NBEA: variants seen among roughly 807,000 people sequenced by gnomAD.
The protein encoded by NBEA is lysosomal-trafficking regulator 2.
In NBEA, 44 loss-of-function variants were observed where a neutral mutation model predicts 343.4. That is an observed-to-expected ratio of 0.13 (90% CI 0.10 to 0.16). The LOEUF (loss-of-function observed/expected upper bound fraction) is 0.16, where lower values mean the gene tolerates loss of function less well. NBEA is among the 10% of genes least tolerant of loss of function. The probability of loss-of-function intolerance (pLI) is 1.00; values close to 1 mark genes in which losing one functional copy is unlikely to be tolerated. For synonymous variants in NBEA, 1,175 were observed against 1,238.7 expected (o/e 0.95, Z 1.08); for missense variants, 2,555 against 3,631.3 (o/e 0.70, Z 7.62).
chr13:35,035,705 A>G (rs1231050732), intron 1 of NBEA, among the ~76,000 whole-genome samples: 3 of 151,956 alleles, frequency 2.0e-5, no homozygotes, highest in Non-Finnish European at 4.4e-5. Flanking sequence ...TGTTGGGTGC[A>G]TATATATTGA....
intron 41 of NBEA, chr13:35,476,443 G>GA: frequency 1.1e-6 from 1 of 915,070 alleles, no homozygotes; most frequent in South Asian, 1.4e-5. Flanking sequence ...CTCTTTTAAA[G>GA]AATCCTTGTG....
At chr13:35,131,338 G>A (rs2152685554) in intron 17 of NBEA, among the ~76,000 whole-genome samples, 1 of 152,208 alleles carries the variant, frequency 6.6e-6, no homozygotes, top group Admixed American at 6.5e-5. Context: ...GAGTCTATCA[G>A]TTACTTTTTT....
chr13:35,474,892 C>T (rs1037930771), intron 41 of NBEA: 42 of 843,392 alleles, frequency 5.0e-5, no homozygotes, highest in Non-Finnish European at 6.2e-5. Context: ...ACTTTTTCTC[C>T]CCTTGTGGGG....
At chr13:35,323,399 G>C (rs1385205853) in intron 36 of NBEA, among the ~76,000 whole-genome samples, 1 of 151,982 alleles carries the variant, frequency 6.6e-6, no homozygotes, top group Non-Finnish European at 1.5e-5. Context: ...AAAATGATGA[G>C]TTCATGTCCT....
At chr13:35,430,615 CTT>C (rs1324518735) in intron 38 of NBEA, among the ~76,000 whole-genome samples, 1 of 152,082 alleles carries the variant, frequency 6.6e-6, no homozygotes, top group Non-Finnish European at 1.5e-5. Context: ...TTTACATACT[CTT>C]TCCAGAACTG....
chr13:35,478,642 C>T (rs1332429427), intron 41 of NBEA, among the ~76,000 whole-genome samples: 2 of 152,242 alleles, frequency 1.3e-5, no homozygotes, highest in Non-Finnish European at 2.9e-5. Context: ...GGCTTACTCT[C>T]CACGTCTGCT....
chr13:35,035,766 C>G (rs531855610), intron 1 of NBEA, among the ~76,000 whole-genome samples: 13 of 151,830 alleles, frequency 8.6e-5, no homozygotes, highest in African/African-American at 2.4e-4. Context: ...ATATAGTGAC[C>G]TTCTTTGTCT....
intron 46 of NBEA, among the ~76,000 whole-genome samples, chr13:35,590,512 T>G (rs2081483424): frequency 6.6e-6 from 1 of 152,136 alleles, no homozygotes; most frequent in Non-Finnish European, 1.5e-5. Context: ...AATTTCAGAT[T>G]TCTTTTCACT....
At chr13:35,280,759 G>T (rs2034995556) in intron 34 of NBEA, among the ~76,000 whole-genome samples, 1 of 151,526 alleles carries the variant, frequency 6.6e-6, no homozygotes, top group Admixed American at 6.6e-5. Flanking sequence ...AAATGACTGG[G>T]TTCTCTTTTT....
rs554280572 is a variant in NBEA, at chr13:35,237,128, G to A, written c.5776+4509G>A. Among the ~76,000 whole-genome samples, 26 of 152,198 alleles carry A rather than the reference G, an allele frequency of 1.7e-4. No individual in the cohort carries two copies. In the East Asian group the frequency reaches 4.1e-3, roughly 24 times the overall value. ...AAAAATTACTCAGGCCTGGTGACAT[G>A]TGCCTATAGTCCCAGCTACTCTGGA... is the stretch of plus-strand genomic sequence containing the variant. On this transcript the variant is annotated intron_variant, in intron 34 of 58. Coordinates refer to ENST00000379939, the MANE Select transcript of NBEA (RefSeq NM_001385012.1).
chr13:35,380,130 C>T (rs1285784635), intron 38 of NBEA, among the ~76,000 whole-genome samples: 2 of 152,058 alleles, frequency 1.3e-5, no homozygotes, highest in African/African-American at 4.8e-5. Context: ...TATAGGTCAT[C>T]TGTGATTTCT....
At chr13:35,414,032 G>A (rs1258366366) in intron 38 of NBEA, among the ~76,000 whole-genome samples, 2 of 152,056 alleles carry the variant, frequency 1.3e-5, no homozygotes, top group Non-Finnish European at 2.9e-5. Flanking sequence ...GCTCCTGTCT[G>A]TTCAACTGGG....
intron 10 of NBEA, among the ~76,000 whole-genome samples, chr13:35,082,769 G>T (rs1394519579): frequency 6.6e-6 from 1 of 152,004 alleles, no homozygotes; most frequent in African/African-American, 2.4e-5. Context: ...GGGGTTGTTT[G>T]TTTTTTTCTT....
At chr13:35,013,413 A>G (rs1196169872) in intron 1 of NBEA, among the ~76,000 whole-genome samples, 1 of 152,154 alleles carries the variant, frequency 6.6e-6, no homozygotes, top group Non-Finnish European at 1.5e-5. Flanking sequence ...CACTTCGGAC[A>G]TATTTCACTT....
At chr13:35,470,346 C>A (rs1359992582) in intron 40 of NBEA, among the ~76,000 whole-genome samples, 1 of 151,874 alleles carries the variant, frequency 6.6e-6, no homozygotes, top group African/African-American at 2.4e-5. Context: ...TTCAATAAAT[C>A]AATGGGTATG....
At chr13:35,407,157 G>A (rs914054941) in intron 38 of NBEA, among the ~76,000 whole-genome samples, 4 of 151,136 alleles carry the variant, frequency 2.6e-5, no homozygotes, top group Non-Finnish European at 5.9e-5. Context: ...TAGAGACAGG[G>A]TTTCACCATG....
chr13:35,108,508 T>C (rs1460037925), intron 11 of NBEA, among the ~76,000 whole-genome samples: 2 of 152,082 alleles, frequency 1.3e-5, no homozygotes, highest in Non-Finnish European at 2.9e-5. Flanking sequence ...TATTTTATTT[T>C]GATAATATGC....
chr13:35,420,586 G>T (rs1428693563), intron 38 of NBEA, among the ~76,000 whole-genome samples: 2 of 151,910 alleles, frequency 1.3e-5, no homozygotes, highest in African/African-American at 4.8e-5. Context: ...TGTATAATTG[G>T]AGTTAATTCT....
intron 48 of NBEA, among the ~76,000 whole-genome samples, chr13:35,619,522 T>C (rs1355416970): frequency 6.6e-6 from 1 of 152,186 alleles, no homozygotes; most frequent in African/African-American, 2.4e-5. Context: ...CAACATCCTG[T>C]ATCTGGCAAC....
Sources: gnomAD v4.1 joint callset for allele counts (sites outside exome capture counted in the v4.1 genomes callset) on GRCh38, gnomAD v4.1.1 for gene constraint, MANE v1.5 for transcripts, NCBI Gene and HGNC (gene_info 2026-07-23, HGNC 2026-07-21) for gene names.